Variants in RBM47 observed in about 807,000 individuals in gnomAD.
RBM47 encodes the protein RNA-binding protein 47.
A neutral mutation model predicts 47.1 loss-of-function variants in RBM47; 21 were observed. That is an observed-to-expected ratio of 0.45 (90% CI 0.32 to 0.64). The LOEUF (loss-of-function observed/expected upper bound fraction) is 0.64, where lower values mean the gene tolerates loss of function less well. Ranked by LOEUF, RBM47 falls within the 30% of genes least tolerant of loss-of-function variation. The pLI is 0.05. For missense variants in RBM47, 708 were observed against 870.9 expected (o/e 0.81, Z 2.35); for synonymous variants, 375 against 361.7 (o/e 1.04, Z -0.42).
chr4:40,527,436 A>ATTTTTTT (rs60524903), intron 2 of RBM47, among the ~76,000 whole-genome samples: 66 of 104,694 alleles, frequency 6.3e-4, no homozygotes, highest in African/African-American at 1.7e-3. Flanking sequence ...ACACCTGGCA[A>ATTTTTTT]TTTTTTTTTT....
chr4:40,572,923 G>A (rs894055173), intron 1 of RBM47, among the ~76,000 whole-genome samples: 5 of 151,644 alleles, frequency 3.3e-5, no homozygotes, highest in Admixed American at 2.0e-4. Flanking sequence ...AGGCCGAGGC[G>A]GGCGGATTAC....
intron 1 of RBM47, among the ~76,000 whole-genome samples, chr4:40,622,708 T>G (rs544415877): frequency 6.6e-5 from 10 of 152,132 alleles, no homozygotes; most frequent in African/African-American, 2.4e-4. Context: ...ATGGTGAAAC[T>G]CCATCTCTAC....
intron 1 of RBM47, among the ~76,000 whole-genome samples, chr4:40,584,631 G>A (rs1733356334): frequency 6.6e-6 from 1 of 151,942 alleles, no homozygotes; most frequent in African/African-American, 2.4e-5. Context: ...GGTATGTATT[G>A]CATAAAATTT....
chr4:40,531,632 G>A (rs768361491), intron 2 of RBM47, among the ~76,000 whole-genome samples: 2 of 150,678 alleles, frequency 1.3e-5, no homozygotes, highest in Non-Finnish European at 2.9e-5. Context: ...GGCTATGCCA[G>A]TAATGATGTG....
intron 1 of RBM47, among the ~76,000 whole-genome samples, chr4:40,619,869 T>C (rs1230961258): frequency 6.6e-6 from 1 of 152,158 alleles, no homozygotes; most frequent in Non-Finnish European, 1.5e-5. Flanking sequence ...TCGTATCCAG[T>C]GTCCAGCACA....
At chr4:40,492,766 C>T (rs1722055269) in intron 2 of RBM47, among the ~76,000 whole-genome samples, 2 of 141,526 alleles carry the variant, frequency 1.4e-5, no homozygotes, top group South Asian at 4.5e-4. Context: ...TCAGCACTCC[C>T]ATCATGACCT....
intron 1 of RBM47, among the ~76,000 whole-genome samples, chr4:40,562,827 A>AAT (rs1432781959): frequency 6.6e-6 from 1 of 152,166 alleles, no homozygotes; most frequent in Non-Finnish European, 1.5e-5. Context: ...TTTCATTGAT[A>AAT]ATATATAGCT....
chr4:40,605,926 G>A (rs1735718020), intron 1 of RBM47, among the ~76,000 whole-genome samples: 1 of 151,964 alleles, frequency 6.6e-6, no homozygotes, highest in East Asian at 1.9e-4. Context: ...AAAGTGAGTT[G>A]ATTTAAAGAA....
intron 2 of RBM47, chr4:40,475,573 G>T (rs927797880): frequency 1.3e-5 from 2 of 152,080 alleles, no homozygotes; most frequent in African/African-American, 4.8e-5. Context: ...TTTTGGGGGG[G>T]TCTTCAATTA....
intron 2 of RBM47, among the ~76,000 whole-genome samples, chr4:40,520,976 C>T (rs149893660): frequency 4.6e-5 from 7 of 152,268 alleles, no homozygotes; most frequent in Middle Eastern, 3.4e-3. Flanking sequence ...GGCATTGACA[C>T]GGACTAGTGA....
rs532407460 is a variant in RBM47, at chr4:40,438,441, G to A, written c.453C>T (p.Cys151=). ...TGGGGATCCCGCCGATGAAGAGGCGGCAGTTGTCCACGCTGCAGCACACGC... is the reference window on the plus strand; with the variant it reads ...TGGGGATCCCGCCGATGAAGAGGCGACAGTTGTCCACGCTGCAGCACACGC... ...LLGVCCSVDN[C]RLFIGGIPKM... Residue 151 remains cysteine, a synonymous_variant, in exon 4 of 7, where the codon TGC becomes TGT. Coordinates refer to ENST00000295971, the MANE Select transcript of RBM47 (RefSeq NM_001098634.2). The A allele has an allele frequency of 2.5e-6, 4 of 1,613,644 alleles. No individual in the cohort carries two copies. The highest frequency in any genetic ancestry group is 2.2e-5 in the South Asian group (2 of 91,092).
intron 5 of RBM47, 116 bp from the exon 6 acceptor site, chr4:40,432,978 T>G (rs1577605491): frequency 7.1e-7 from 1 of 1,399,278 alleles, no homozygotes; most frequent in East Asian, 2.7e-5. Context: ...TTCTTTTTTT[T>G]GAGACAGGGT....
chr4:40,592,585 C>A (rs1023530996), intron 1 of RBM47, among the ~76,000 whole-genome samples: 4 of 151,468 alleles, frequency 2.6e-5, no homozygotes, highest in African/African-American at 9.7e-5. Context: ...ACACCATGCA[C>A]GCCGAATTTT....
intron 1 of RBM47, among the ~76,000 whole-genome samples, chr4:40,621,407 T>C (rs1737254315): frequency 6.6e-6 from 1 of 152,178 alleles, no homozygotes; most frequent in Non-Finnish European, 1.5e-5. Flanking sequence ...TGCCACTTTG[T>C]AAAGGCAAGA....
intron 3 of RBM47, among the ~76,000 whole-genome samples, chr4:40,462,041 A>G (rs1368116063): frequency 6.6e-6 from 1 of 152,056 alleles, no homozygotes; most frequent in Non-Finnish European, 1.5e-5. Flanking sequence ...AATCTTGTTC[A>G]TGTGGGGAGA....
At chr4:40,455,580 T>C (rs1281534551) in intron 3 of RBM47, 1 of 152,148 alleles carries the variant, frequency 6.6e-6, no homozygotes, top group Non-Finnish European at 1.5e-5. Context: ...CTGGGCAACA[T>C]AGTGAGACCC....
chr4:40,556,912 T>A (rs565119771), intron 1 of RBM47, among the ~76,000 whole-genome samples: 1 of 148,208 alleles, frequency 6.7e-6, no homozygotes, highest in East Asian at 2.0e-4. Context: ...ATATATACAT[T>A]TACATGATGA....
chr4:40,569,036 CAGACAGACAGACAGAT>C (rs1276293832), intron 1 of RBM47, among the ~76,000 whole-genome samples: 5 of 148,118 alleles, frequency 3.4e-5, no homozygotes, highest in Admixed American at 2.0e-4. Flanking sequence ...GACAGACAGA[CAGACAGACAGACAGAT>C]AGATAGATAG....
chr4:40,596,345 T>TA (rs1420285028), intron 1 of RBM47, among the ~76,000 whole-genome samples: 1 of 152,152 alleles, frequency 6.6e-6, no homozygotes, highest in East Asian at 1.9e-4. Flanking sequence ...TTCTTAGGTT[T>TA]AAGGGGGGGA....
Sources: allele counts gnomAD v4.1 joint callset (sites outside exome capture counted in the v4.1 genomes callset), GRCh38; gene constraint gnomAD v4.1.1; transcripts MANE v1.5; gene names NCBI Gene and HGNC (gene_info 2026-07-23, HGNC 2026-07-21).